ZNF18: variants seen among roughly 807,000 people sequenced by gnomAD.
ZNF18 encodes the protein heart development-specific gene 1 protein.
In ZNF18, 42 loss-of-function variants were observed where a neutral mutation model predicts 58.1. The observed-to-expected ratio is 0.72, with a 90% CI of 0.56 to 0.93. ZNF18 has a LOEUF of 0.93. Ranked by LOEUF, ZNF18 falls within the 40% of genes least tolerant of loss-of-function variation. The pLI is 0.00. For synonymous variants in ZNF18, 231 were observed against 239.8 expected, an observed-to-expected ratio of 0.96 and a Z score of 0.34; for missense variants, 540 against 644.2, an observed-to-expected ratio of 0.84 and a Z score of 1.75.
rs1394239965 is a variant in ZNF18, at chr17:11,997,439, G to GCGGCGC, written c.-97_-92dup. 6 of 152,350 alleles carry GCGGCGC rather than the reference G, an allele frequency of 3.9e-5. No individual in the cohort carries two copies. In the South Asian group the frequency reaches 6.2e-4, roughly 16 times the overall value. 9.4% of individuals were successfully genotyped at this position (152,350 alleles called of 1,614,324 possible). On this transcript the variant is annotated 5_prime_UTR_variant, in exon 1 of 7. Coordinates refer to ENST00000580306, the MANE Select transcript of ZNF18 (RefSeq NM_001303281.2). ...CCCGCAAGCGCGCTCACCTCGGCCC[G>GCGGCGC]CGGCGCCGGCTCCGGGCGCACTTCC...
rs767892021 is a variant in ZNF18 at position 11,992,732 on chromosome 17, TC to T, written c.97del (p.Glu33AsnfsTer19). ...GCGTGCGGTCTCAGGGCTGGAGAGT[TC>T]CTCTTGAAGGGCAGCATCTGATTCT... The part of the protein sequence containing the change: ...FSESDAALQE[E>X]LSSPETARQL... On this transcript the variant is annotated frameshift_variant, in exon 2 of 7. Coordinates refer to ENST00000580306, the MANE Select transcript of ZNF18 (RefSeq NM_001303281.2). LOFTEE classifies it high-confidence loss of function. The T allele has an allele frequency of 6.2e-7, 1 of 1,614,232 alleles. No homozygotes were observed. The highest frequency in any genetic ancestry group is 1.7e-5 in the Admixed American group (1 of 60,026).
the ZNF18 span, among the ~76,000 whole-genome samples, chr17:12,006,922 TA>T: frequency 3.3e-4 from 51 of 152,342 alleles, no homozygotes; most frequent in African/African-American, 1.2e-3. Flanking sequence ...ATAAATATCA[TA>T]TTTTTACCTA....
At chr17:12,001,869 A>G (rs1968664021), upstream of ZNF18, among the ~76,000 whole-genome samples, 1 of 152,102 alleles carries the variant, frequency 6.6e-6, no homozygotes, top group Admixed American at 6.5e-5. Context: ...AATGAAAATC[A>G]CTAGTTACTA....
At chr17:12,017,032 A>G in the ZNF18 span, among the ~76,000 whole-genome samples, 1 of 151,936 alleles carries the variant, frequency 6.6e-6, no homozygotes, top group African/African-American at 2.4e-5. Context: ...CCCCATCTCT[A>G]CTAAAATTAC....
chr17:12,020,017 TA>T, the ZNF18 span, among the ~76,000 whole-genome samples: 1 of 152,214 alleles, frequency 6.6e-6, no homozygotes. Context: ...ACTGTCTTCC[TA>T]AAATAAAAGT....
At chr17:12,003,460 TGTTCAAGAAG>T in the ZNF18 span, among the ~76,000 whole-genome samples, 187 of 146,588 alleles carry the variant, frequency 1.3e-3, 2 homozygotes, top group African/African-American at 4.2e-3. Context: ...AAAAAAAAGA[TGTTCAAGAAG>T]GTTCAGGTGG....
chr17:12,014,695 G>A, the ZNF18 span, among the ~76,000 whole-genome samples: 9 of 152,154 alleles, frequency 5.9e-5, no homozygotes, highest in African/African-American at 2.2e-4. Context: ...GTTTCCTTTC[G>A]GGATGATAAA....
rs924668001 is a variant in ZNF18 at position 11,990,868 on chromosome 17, C to T, written c.577+106G>A. ...TTAGGTCTAACCTGTTTGCAAACCT[C>T]TCAGGGATACGCCAATCTGAGCAGC... is the stretch of plus-strand genomic sequence containing the variant. On this transcript the variant is annotated intron_variant, in intron 3 of 6. Transcript: ENST00000580306. 7 of 1,302,758 alleles carry T rather than the reference C, an allele frequency of 5.4e-6. No individual in the cohort carries two copies. In the East Asian group the frequency reaches 1.6e-4, roughly 30 times the overall value. 80.7% of individuals were successfully genotyped at this position (1,302,758 alleles called of 1,614,324 possible). A position where few individuals can be genotyped will look rare whatever the true frequency, so the allele number is the denominator to read the frequency against.
chr17:12,014,875 C>T, the ZNF18 span, among the ~76,000 whole-genome samples: 2 of 151,920 alleles, frequency 1.3e-5, no homozygotes, highest in Non-Finnish European at 2.9e-5. Flanking sequence ...ACGGTGAAAC[C>T]GTCTCTACTA....
rs530821118 is a variant in ZNF18 at position 11,984,096 on chromosome 17, C to A, written c.751+17G>T. On this transcript the variant is annotated intron_variant, in intron 5 of 6. Coordinates refer to ENST00000580306, the MANE Select transcript of ZNF18 (RefSeq NM_001303281.2). ...AGTCCTTCTACCTCCTTCCATCAGA[C>A]TAACCCACACCCTCACCTCCTGAGA... The A allele has an allele frequency of 8.3e-5, 133 of 1,606,484 alleles. 1 individual carries two copies. In the South Asian group the frequency reaches 1.4e-3, roughly 17 times the overall value.
rs915125774 is a variant in ZNF18, at chr17:11,992,320, C to A, written c.387+123G>T. 36 of 1,265,712 alleles carry A rather than the reference C, an allele frequency of 2.8e-5. No individual in the cohort carries two copies. In the African/African-American group the frequency reaches 5.1e-4, roughly 18 times the overall value. 78.4% of individuals were successfully genotyped at this position (1,265,712 alleles called of 1,614,324 possible). Reference sequence around the variant, plus strand: ...GGTGTTAGAGAATCACAGAATTGGCCATTGGTGTGAAAAGCCCCACCCATT... The same window carrying A: ...GGTGTTAGAGAATCACAGAATTGGCAATTGGTGTGAAAAGCCCCACCCATT... On this transcript the variant is annotated intron_variant, in intron 2 of 6. Coordinates refer to ENST00000580306, the MANE Select transcript of ZNF18 (RefSeq NM_001303281.2).
chr17:11,995,635 A>T (rs1041124405), intron 1 of ZNF18: 1 of 151,142 alleles, frequency 6.6e-6, no homozygotes, highest in African/African-American at 2.4e-5. Flanking sequence ...GTGAGTCAAG[A>T]TCGTACCACT....
At position 11,992,518 on chromosome 17, in the gene ZNF18, CTG is replaced by C; in HGVS notation, c.310_311del (p.Gln104ValfsTer55). 6.2e-7 allele frequency: 1 copy of C among 1,614,232 alleles called. No individual in the cohort carries two copies. Among genetic ancestry groups the C allele is most frequent in the Non-Finnish European group, 8.5e-7 (1 of 1,180,044 alleles). ...PGEIQMWVRK[Q>X]CPGSGEEAVT... is the part of the protein sequence containing the mutation. ...CTGCCTCTTCTCCACTTCCTGGACA[CTG>C]TTTCCGCACCCACATCTGGATCTCC... is the stretch of plus-strand genomic sequence containing the variant. On this transcript the variant is annotated frameshift_variant, in exon 2 of 7. Transcript: ENST00000580306. LOFTEE classifies it high-confidence loss of function.
chr17:12,020,330 G>C, the ZNF18 span, among the ~76,000 whole-genome samples: 3 of 152,196 alleles, frequency 2.0e-5, no homozygotes, highest in African/African-American at 7.2e-5. Context: ...ACTTTGGTTA[G>C]TTCCCCTTGG....
At chr17:12,010,068 G>A in the ZNF18 span, among the ~76,000 whole-genome samples, 1 of 152,088 alleles carries the variant, frequency 6.6e-6, no homozygotes, top group Non-Finnish European at 1.5e-5. Flanking sequence ...GGTGCCTGTC[G>A]AGAATAGATT....
rs575069690 is a variant in ZNF18, at chr17:11,997,067, C to G, written c.-83+364G>C. 3 of 152,492 alleles carry G rather than the reference C, an allele frequency of 2.0e-5. No individual in the cohort carries two copies. The South Asian group carries it at 6.2e-4, about 32-fold the overall frequency. 9.4% of individuals were successfully genotyped at this position (152,492 alleles called of 1,614,324 possible). On this transcript the variant is annotated intron_variant, in intron 1 of 6. Coordinates refer to ENST00000580306, the MANE Select transcript of ZNF18 (RefSeq NM_001303281.2). ...TGATGAGAGAGGGAGAGACTCCAGG[C>G]ATCATCCCATCGGGTTTCCTCTTCC... is the stretch of plus-strand genomic sequence containing the variant.
chr17:11,992,346 T>C, intron 2 of ZNF18, 97 bp downstream of exon 2: 3 of 1,478,900 alleles, frequency 2.0e-6, no homozygotes, highest in Non-Finnish European at 2.7e-6. Flanking sequence ...CCCACCCATT[T>C]TGTGTCATAA....
intron 5 of ZNF18, among the ~76,000 whole-genome samples, chr17:11,983,810 A>T (rs1967540682): frequency 6.6e-6 from 1 of 152,156 alleles, no homozygotes; most frequent in East Asian, 1.9e-4. Context: ...TAAGTATTTG[A>T]TCTGACACTC....
chr17:11,999,201 A>G (rs780145787), upstream of ZNF18, among the ~76,000 whole-genome samples: 2 of 152,232 alleles, frequency 1.3e-5, no homozygotes, highest in Non-Finnish European at 2.9e-5. Context: ...ACACCCAAGG[A>G]AGATAACAGT....
Sources: gnomAD v4.1 joint callset for allele counts (sites outside exome capture counted in the v4.1 genomes callset) on GRCh38, gnomAD v4.1.1 for gene constraint, MANE v1.5 for transcripts, NCBI Gene and HGNC (gene_info 2026-07-23, HGNC 2026-07-21) for gene names.